The following CFAP410 variants were observed in gnomAD, a reference collection of about 807,000 sequenced individuals.
The protein encoded by CFAP410 is cilia and flagella associated protein 410.
CFAP410 carries 27 observed loss-of-function variants against 25.7 expected under a neutral mutation model. The observed-to-expected ratio is 1.05, with a 90% CI of 0.77 to 1.45. The LOEUF (loss-of-function observed/expected upper bound fraction) is 1.45. Ranked by LOEUF, CFAP410 falls within the 40% of genes most tolerant of loss-of-function variation. CFAP410 has a pLI of 0.00. For missense variants in CFAP410, 428 were observed against 354.1 expected (o/e 1.21, Z -1.67); for synonymous variants, 178 against 158.4 (o/e 1.12, Z -0.93).
chr21:44,336,281 G>A (rs945499477), intron 2 of CFAP410, among the ~76,000 whole-genome samples: 1 of 152,146 alleles, frequency 6.6e-6, no homozygotes, highest in Non-Finnish European at 1.5e-5. Context: ...TAAATTTTAC[G>A]ACAGCATCGT....
intron 1 of CFAP410, 75 bp from the exon 2 acceptor site, chr21:44,337,742 A>C: frequency 8.0e-7 from 1 of 1,251,762 alleles, no homozygotes; most frequent in Non-Finnish European, 1.2e-6. Flanking sequence ...AATTCCAAAA[A>C]TCACCGATGA....
At chr21:44,330,552 A>G (rs1166262155) in intron 6 of CFAP410, 3 of 1,549,116 alleles carry the variant, frequency 1.9e-6, no homozygotes, top group African/African-American at 2.7e-5. Context: ...CCCTCAGCCC[A>G]GCAGGGCCCG....
At chr21:44,333,880 G>A in intron 3 of CFAP410, 1 of 356,086 alleles carries the variant, frequency 2.8e-6, no homozygotes, top group Non-Finnish European at 5.6e-6. Context: ...GCCCTCAAAG[G>A]CGCGGAGCCA....
intron 5 of CFAP410, chr21:44,331,631 C>T: frequency 3.6e-6 from 2 of 561,524 alleles, no homozygotes; most frequent in Non-Finnish European, 6.1e-6. Context: ...GGCACATCCG[C>T]TGTTGGGCAA....
intron 3 of CFAP410, chr21:44,334,007 T>C: frequency 2.4e-6 from 1 of 422,122 alleles, no homozygotes; most frequent in East Asian, 7.2e-5. Context: ...ATCCCTTCAC[T>C]CGGGGTTTCC....
chr21:44,338,360 T>G, intron 1 of CFAP410: 2 of 1,257,144 alleles, frequency 1.6e-6, no homozygotes, highest in Non-Finnish European at 2.1e-6. Context: ...ACCCTGGAGA[T>G]CTTGCAGGCC....
At chr21:44,335,868 C>T (rs1372195088) in intron 2 of CFAP410, 64 bp from the exon 3 acceptor site, 9 of 1,276,534 alleles carry the variant, frequency 7.1e-6, no homozygotes, top group Non-Finnish European at 1.0e-5. Flanking sequence ...GCACTGCCAT[C>T]AGCCACAGAG....
chr21:44,334,120 C>G (rs1419945983), intron 3 of CFAP410: 5 of 456,178 alleles, frequency 1.1e-5, no homozygotes, highest in Admixed American at 7.0e-5. Context: ...CAGGCACAGG[C>G]AGCAGCGTGA....
At position 44,330,827 on chromosome 21, in the gene CFAP410, C is replaced by A; in HGVS notation, c.638G>T (p.Gly213Val). Reference sequence around the variant, plus strand: ...CCCTAGCGGCCCGCCACTCACCCTGCCCCTGTGGCTGCTCGAGGCATCCCT... The same window carrying A: ...CCCTAGCGGCCCGCCACTCACCCTGACCCTGTGGCTGCTCGAGGCATCCCT... ...SARDASSSHR[G>V]RNVLTAILLL... The change falls in exon 6 of 7, where the codon GGC (glycine) becomes GTC (valine). Residue 213 changes from glycine (G) to valine (V), a missense_variant. Gly to Val is a moderately radical substitution (Grantham distance 109). Coordinates refer to ENST00000339818, the MANE Select transcript of CFAP410 (RefSeq NM_004928.3). The A allele has an allele frequency of 3.7e-6, 6 of 1,600,478 alleles. No individual in the cohort carries two copies. Among genetic ancestry groups the A allele is most frequent in the Non-Finnish European group, 8.5e-7 (1 of 1,174,278 alleles).
chr21:44,332,090 T>G (rs2047661439), intron 4 of CFAP410, 76 bp from the exon 5 acceptor site: 1 of 1,271,356 alleles, frequency 7.9e-7, no homozygotes, highest in African/African-American at 1.5e-5. Context: ...GCTCCCGTCC[T>G]CACTGTGGCT....
chr21:44,333,026 C>T lies in CFAP410; in HGVS notation c.373+7G>A. ...GGAGGGCCGGTGACTCCGCTGCGGC[C>T]ACCTACCCTGGTTGTCCAGCTTCTG... On this transcript the variant is annotated splice_region_variant and intron_variant, in intron 4 of 6. Coordinates refer to ENST00000339818, the MANE Select transcript of CFAP410 (RefSeq NM_004928.3). 2.5e-6 allele frequency: 4 copies of T among 1,574,372 alleles called. No individual in the cohort carries two copies. The highest frequency in any genetic ancestry group is 1.3e-5 in the African/African-American group (1 of 74,278).
chr21:44,335,727 C>T, intron 3 of CFAP410, 31 bp downstream of exon 3: 1 of 1,565,810 alleles, frequency 6.4e-7, no homozygotes. Flanking sequence ...TTCCAGGCCC[C>T]AGGCTGAGCA....
rs751833333 is a variant in CFAP410, at chr21:44,330,220, T to C, written c.749A>G (p.Glu250Gly). ...CGGTCACTCGGCGTGCTCCTGCACC[T>C]CTTCCCCACGCAGGGCCTGCAGCCG... ...GSRLQALRGE[E>G]VQEHAE Residue 250 changes from glutamate to glycine, a missense_variant, in exon 7 of 7, where the codon GAG (glutamate) becomes GGG (glycine). Glu to Gly is a moderately conservative substitution (Grantham distance 98). Coordinates refer to ENST00000339818, the MANE Select transcript of CFAP410 (RefSeq NM_004928.3). 5.7e-6 allele frequency: 9 copies of C among 1,579,206 alleles called. No homozygotes were observed. The highest frequency in any genetic ancestry group is 7.7e-6 in the Non-Finnish European group (9 of 1,165,840).
In CFAP410 at chr21:44,330,201, C is replaced by T. The variant is rs1282618505; in HGVS notation, c.768G>A (p.Glu256=). 1 of 1,564,468 alleles carries T rather than the reference C, an allele frequency of 6.4e-7. No homozygotes were observed. Among genetic ancestry groups the T allele is most frequent in the African/African-American group, 1.3e-5 (1 of 74,216 alleles). ...GAGCGGCGTTCAGGTCCTGCGGTCA[C>T]TCGGCGTGCTCCTGCACCTCTTCCC... is the stretch of plus-strand genomic sequence containing the variant. ...LRGEEVQEHA[E] Residue 256 remains glutamate (E), a synonymous_variant, in exon 7 of 7, where the codon GAG becomes GAA. Transcript: ENST00000339818.
At position 44,329,894 on chromosome 21, in the gene CFAP410, C is replaced by T; in HGVS notation, c.*304G>A. Reference sequence around the variant, plus strand: ...TGGGAAACGTCACCTCCAGATCAACCTTGGGAAAATCTTTTATTAGGGAGG... The same window carrying T: ...TGGGAAACGTCACCTCCAGATCAACTTTGGGAAAATCTTTTATTAGGGAGG... On this transcript the variant is annotated 3_prime_UTR_variant, in exon 7 of 7. Transcript: ENST00000339818. 1 of 349,602 alleles carries T rather than the reference C, an allele frequency of 2.9e-6. No individual in the cohort carries two copies. Among genetic ancestry groups the T allele is most frequent in the South Asian group, 5.1e-5 (1 of 19,596 alleles). The allele number at this position is 349,602 out of a possible 1,614,324, so 21.7% of individuals were successfully genotyped here. A position where few individuals can be genotyped will look rare whatever the true frequency, so the allele number is the denominator to read the frequency against.
chr21:44,334,180 A>G lies in CFAP410; in HGVS notation c.144-918T>C, dbSNP rs546287894. 8.8e-6 allele frequency: 4 copies of G among 456,328 alleles called. No individual in the cohort carries two copies. The Admixed American group carries it at 9.4e-5, about 11-fold the overall frequency. The allele number at this position is 456,328 out of a possible 1,614,324, so 28.3% of individuals were successfully genotyped here. On this transcript the variant is annotated intron_variant, in intron 3 of 6. Coordinates refer to ENST00000339818, the MANE Select transcript of CFAP410 (RefSeq NM_004928.3). ...GAGGCTTCCTGCTCCGCTCCAGTGCAGTCAGGCGTGCAGGCACCACGCACC... is the reference window on the plus strand; with the variant it reads ...GAGGCTTCCTGCTCCGCTCCAGTGCGGTCAGGCGTGCAGGCACCACGCACC...
intron 5 of CFAP410, 155 bp from the exon 6 acceptor site, chr21:44,331,074 A>G: frequency 1.4e-6 from 1 of 696,520 alleles, no homozygotes; most frequent in Non-Finnish European, 2.4e-6. Flanking sequence ...AACTCCTGGG[A>G]GGTCAGGGGC....
intron 6 of CFAP410, 92 bp from the exon 7 acceptor site, chr21:44,330,418 A>G (rs2146054569): frequency 6.4e-7 from 1 of 1,560,296 alleles, no homozygotes; most frequent in Non-Finnish European, 8.7e-7. Context: ...GTGCCCCACC[A>G]CGGAGCGACT....
rs2047609619 is a variant in CFAP410 at position 44,329,898 on chromosome 21, G to T, written c.*300C>A. 2 of 356,756 alleles carry T rather than the reference G, an allele frequency of 5.6e-6. No homozygotes were observed. Among genetic ancestry groups the T allele is most frequent in the Non-Finnish European group, 1.0e-5 (2 of 196,156 alleles). The allele number at this position is 356,756 out of a possible 1,614,324, so 22.1% of individuals were successfully genotyped here. A position where few individuals can be genotyped will look rare whatever the true frequency, so the allele number is the denominator to read the frequency against. On this transcript the variant is annotated 3_prime_UTR_variant, in exon 7 of 7. Coordinates refer to ENST00000339818, the MANE Select transcript of CFAP410 (RefSeq NM_004928.3). ...AAACGTCACCTCCAGATCAACCTTG[G>T]GAAAATCTTTTATTAGGGAGGACAG...
Sources: allele counts gnomAD v4.1 joint callset (sites outside exome capture counted in the v4.1 genomes callset), GRCh38; gene constraint gnomAD v4.1.1; transcripts MANE v1.5; gene names NCBI Gene and HGNC (gene_info 2026-07-23, HGNC 2026-07-21).